Variants in NELL1 observed in about 807,000 individuals in gnomAD.
NELL1 encodes protein kinase C-binding protein NELL1.
A neutral mutation model predicts 107.4 loss-of-function variants in NELL1; 76 were observed. The observed-to-expected ratio is 0.71, with a 90% CI of 0.59 to 0.86. The LOEUF is 0.86. NELL1 is among the 40% of genes least tolerant of loss of function. The pLI, the probability that NELL1 is intolerant of heterozygous loss-of-function variation, is 0.00. For synonymous variants in NELL1, 353 were observed against 341.2 expected, an observed-to-expected ratio of 1.03 and a Z score of -0.38; for missense variants, 1,024 against 1,005.5, an observed-to-expected ratio of 1.02 and a Z score of -0.25.
intron 13 of NELL1, among the ~76,000 whole-genome samples, chr11:21,183,905 GA>G (rs1261032721): frequency 2.0e-5 from 3 of 151,718 alleles, no homozygotes; most frequent in Non-Finnish European, 4.4e-5. Flanking sequence ...GAAACAAAAG[GA>G]AAAAAATCTG....
intron 9 of NELL1, among the ~76,000 whole-genome samples, chr11:20,933,669 G>T (rs1362744822): frequency 6.6e-6 from 1 of 152,142 alleles, no homozygotes; most frequent in Non-Finnish European, 1.5e-5. Context: ...TGGAGTGTGT[G>T]CAGGGTACAA....
intron 12 of NELL1, among the ~76,000 whole-genome samples, chr11:21,065,905 G>C (rs959333268): frequency 1.3e-5 from 2 of 152,158 alleles, no homozygotes; most frequent in African/African-American, 4.8e-5. Flanking sequence ...GAATGGACTT[G>C]CTAGGACCAT....
chr11:21,500,644 G>C (rs1855114528), intron 15 of NELL1, among the ~76,000 whole-genome samples: 2 of 151,954 alleles, frequency 1.3e-5, no homozygotes, highest in Non-Finnish European at 2.9e-5. Context: ...TTTTTATCCA[G>C]GTTGTCTCTG....
chr11:20,755,551 TTTTTGTTTTTG>T (rs1564895021), intron 2 of NELL1, among the ~76,000 whole-genome samples: 19 of 37,600 alleles, frequency 5.1e-4, no homozygotes, highest in African/African-American at 1.4e-3. Context: ...TTTTTTTTTG[TTTTTGTTTTTG>T]TTTTTTTTTT....
Position 21,135,182 on chromosome 11 carries a change from T to C in NELL1, c.1426+21468T>C, listed in dbSNP as rs116441900. ...TTAAACTCACAGAGTTCCTTGGTTG[T>C]TGGGAACATGTAGATCATAAGAGCA... On this transcript the variant is annotated intron_variant, in intron 13 of 19. Coordinates refer to ENST00000357134, the MANE Select transcript of NELL1 (RefSeq NM_006157.5). Among the ~76,000 whole-genome samples the C allele has an allele frequency of 4.9e-3, 752 of 152,342 alleles. 6 individuals carry two copies. Among genetic ancestry groups the C allele is most frequent in the African/African-American group, 0.017 (710 of 41,584 alleles).
intron 14 of NELL1, among the ~76,000 whole-genome samples, chr11:21,363,699 C>T (rs1385235348): frequency 6.6e-6 from 1 of 152,146 alleles, no homozygotes; most frequent in Admixed American, 6.5e-5. Context: ...GATATAGTTA[C>T]TATAAGACTA....
chr11:20,947,230 A>G, intron 10 of NELL1, 106 bp from the exon 11 acceptor site: 1 of 710,192 alleles, frequency 1.4e-6, no homozygotes, highest in Non-Finnish European at 2.5e-6. Flanking sequence ...AGTATTAATT[A>G]TTGTATGTTG....
chr11:20,915,717 A>ATATATATATATATATATATTTTT, intron 5 of NELL1, among the ~76,000 whole-genome samples: 32 of 58,212 alleles, frequency 5.5e-4, no homozygotes, highest in African/African-American at 7.1e-4. Flanking sequence ...ATATATATAT[A>ATATATATATATATATATATTTTT]TTTTTTTTTT....
chr11:21,178,210 C>T (rs1248943608), intron 13 of NELL1, among the ~76,000 whole-genome samples: 1 of 151,522 alleles, frequency 6.6e-6, no homozygotes, highest in Non-Finnish European at 1.5e-5. Flanking sequence ...ATAGGGATTT[C>T]TTTGCTTTTT....
At chr11:21,205,506 G>A (rs1478738368) in intron 13 of NELL1, among the ~76,000 whole-genome samples, 2 of 152,124 alleles carry the variant, frequency 1.3e-5, no homozygotes, top group East Asian at 1.9e-4. Flanking sequence ...ACTTCAGACC[G>A]CCGTGCTGGC....
intron 14 of NELL1, among the ~76,000 whole-genome samples, chr11:21,368,368 T>G (rs796826866): frequency 6.6e-6 from 1 of 151,872 alleles, no homozygotes; most frequent in African/African-American, 2.4e-5. Flanking sequence ...TTTTTTTTTT[T>G]TCTTTTAACT....
chr11:21,516,267 T>C (rs1855559929), intron 15 of NELL1, among the ~76,000 whole-genome samples: 1 of 152,184 alleles, frequency 6.6e-6, no homozygotes, highest in South Asian at 2.1e-4. Flanking sequence ...AAACATAGTA[T>C]CTGAGTACTT....
intron 15 of NELL1, among the ~76,000 whole-genome samples, chr11:21,419,785 A>G (rs73457395): frequency 0.03 from 4,610 of 152,234 alleles, 249 homozygotes; most frequent in African/African-American, 0.1. Context: ...TTGAAATATG[A>G]TAGAGAAATT....
chr11:20,740,358 G>A (rs1234716723), intron 2 of NELL1, among the ~76,000 whole-genome samples: 1 of 152,182 alleles, frequency 6.6e-6, no homozygotes, highest in Non-Finnish European at 1.5e-5. Flanking sequence ...ATCTCTGGGA[G>A]CAGGAACCCC....
intron 14 of NELL1, among the ~76,000 whole-genome samples, chr11:21,232,824 T>C (rs1198476263): frequency 1.3e-5 from 2 of 152,114 alleles, no homozygotes; most frequent in Non-Finnish European, 2.9e-5. Flanking sequence ...AGCTAATTTT[T>C]GTATTTTTAA....
At chr11:20,925,203 C>T (rs1361212671) in intron 7 of NELL1, among the ~76,000 whole-genome samples, 6 of 152,144 alleles carry the variant, frequency 3.9e-5, no homozygotes, top group South Asian at 2.1e-4. Context: ...GTATTTTATC[C>T]GTTTCCTAAA....
chr11:21,208,897 A>G (rs966306792), intron 13 of NELL1, among the ~76,000 whole-genome samples: 2 of 152,180 alleles, frequency 1.3e-5, no homozygotes, highest in African/African-American at 2.4e-5. Flanking sequence ...CAGATCTCCA[A>G]TACTAAAGTT....
chr11:21,372,632 T>A (rs556825009), intron 15 of NELL1, among the ~76,000 whole-genome samples: 11 of 152,000 alleles, frequency 7.2e-5, no homozygotes, highest in African/African-American at 2.4e-4. Flanking sequence ...ACTAGATGGA[T>A]TTTTTATTAA....
intron 13 of NELL1, among the ~76,000 whole-genome samples, chr11:21,159,788 C>T (rs1740186774): frequency 1.3e-5 from 2 of 152,176 alleles, no homozygotes; most frequent in Non-Finnish European, 2.9e-5. Context: ...CCGGTTGAAA[C>T]ACAAAAGTCA....
Sources: gnomAD v4.1 joint callset for allele counts (sites outside exome capture counted in the v4.1 genomes callset) on GRCh38, gnomAD v4.1.1 for gene constraint, MANE v1.5 for transcripts, NCBI Gene and HGNC (gene_info 2026-07-23, HGNC 2026-07-21) for gene names.